The following AHCTF1 variants were observed in gnomAD, a reference collection of about 807,000 sequenced individuals.
The protein encoded by AHCTF1 is AT-hook containing transcription factor 1.
A neutral mutation model predicts 248.4 loss-of-function variants in AHCTF1; 24 were observed. That is an observed-to-expected ratio of 0.10 (90% CI 0.07 to 0.14). The LOEUF (loss-of-function observed/expected upper bound fraction) is 0.14. Among genes scored for constraint, AHCTF1 ranks in the 10% least tolerant of loss-of-function variants. The pLI is 1.00. For synonymous variants in AHCTF1, 786 were observed against 929.8 expected, an observed-to-expected ratio of 0.85 and a Z score of 2.81; for missense variants, 2,206 against 2,636.2, an observed-to-expected ratio of 0.84 and a Z score of 3.57.
chr1:246,891,087 T>G (rs768272774), intron 15 of AHCTF1, 27 bp from the exon 16 acceptor site: 1 of 1,450,020 alleles, frequency 6.9e-7, no homozygotes, highest in Admixed American at 2.6e-5. Context: ...ACATCAGTTG[T>G]TTACTTACAA....
chr1:246,853,503 AATG>A (rs1201865513), intron 31 of AHCTF1, among the ~76,000 whole-genome samples: 1 of 152,382 alleles, frequency 6.6e-6, no homozygotes, highest in Non-Finnish European at 1.5e-5. Context: ...CACATTTAAA[AATG>A]ATAACTGATA....
rs1659779182 is a variant in AHCTF1 at position 246,840,481 on chromosome 1, A to C, written c.*325T>G. On this transcript the variant is annotated 3_prime_UTR_variant, in exon 36 of 36. Coordinates refer to ENST00000648844, the MANE Select transcript of AHCTF1 (RefSeq NM_001323342.2). ...AATTATAGAGAAAATGAGACCAATG[A>C]GCATATAAAACTATTTAAACAGATA... 1 of 157,396 alleles carries C rather than the reference A, an allele frequency of 6.4e-6. No individual in the cohort carries two copies. Among genetic ancestry groups the C allele is most frequent in the Non-Finnish European group, 1.4e-5 (1 of 71,412 alleles). 9.7% of individuals were successfully genotyped at this position (157,396 alleles called of 1,614,324 possible).
chr1:246,891,477 TTA>T (rs1318246258), intron 15 of AHCTF1, among the ~76,000 whole-genome samples: 4 of 151,024 alleles, frequency 2.6e-5, no homozygotes, highest in Admixed American at 2.6e-4. Flanking sequence ...CAGAAAAAAT[TTA>T]TGAGTTCTTT....
chr1:246,931,555 C>A (rs1667364034), intron 1 of AHCTF1, 23 bp downstream of exon 1: 1 of 214,476 alleles, frequency 4.7e-6, no homozygotes, highest in Non-Finnish European at 8.0e-6. Flanking sequence ...GCGGGCCCAA[C>A]CCCCTCCCTC....
intron 34 of AHCTF1, among the ~76,000 whole-genome samples, chr1:246,843,587 T>C (rs1409405546): frequency 3.3e-5 from 5 of 152,202 alleles, no homozygotes; most frequent in African/African-American, 7.2e-5. Flanking sequence ...ATACCACAGA[T>C]GTGTCTTAAA....
chr1:246,858,341 C>T (rs1218210846), intron 29 of AHCTF1, among the ~76,000 whole-genome samples: 2 of 152,128 alleles, frequency 1.3e-5, no homozygotes, highest in Non-Finnish European at 2.9e-5. Context: ...TGAACAGGCA[C>T]TAATGCAACT....
intron 4 of AHCTF1, among the ~76,000 whole-genome samples, chr1:246,911,507 G>T: frequency 7.7e-6 from 1 of 129,790 alleles, no homozygotes; most frequent in African/African-American, 2.9e-5. Flanking sequence ...TTTTGAGATG[G>T]AGTTTCACTC....
chr1:246,888,466 T>C lies in AHCTF1; in HGVS notation c.2196A>G (p.Leu732=), dbSNP rs1663983113. 1 of 1,613,658 alleles carries C rather than the reference T, an allele frequency of 6.2e-7. No individual in the cohort carries two copies. The highest frequency in any genetic ancestry group is 8.5e-7 in the Non-Finnish European group (1 of 1,179,978). ...CLMIDGLVSQ[L]GERIEKLWKR... ...TCCACAACTTCTCAATTCGCTCTCC[T>C]AACTGAGAAACCAGTCCATCAATCA... The change falls in exon 18 of 36, where the codon TTA becomes TTG. Residue 732 remains leucine (L), a synonymous_variant. Coordinates refer to ENST00000648844, the MANE Select transcript of AHCTF1 (RefSeq NM_001323342.2).
chr1:246,900,271 T>G, intron 9 of AHCTF1, 25 bp from the exon 10 acceptor site: 2 of 1,586,186 alleles, frequency 1.3e-6, no homozygotes, highest in South Asian at 1.2e-5. Context: ...AAAACATTAC[T>G]AAGTCATTGG....
intron 4 of AHCTF1, among the ~76,000 whole-genome samples, chr1:246,908,323 CAAAAAA>C (rs34997839): frequency 9.8e-6 from 1 of 101,574 alleles, no homozygotes; most frequent in African/African-American, 3.6e-5. Flanking sequence ...CACAGGGATA[CAAAAAA>C]AAAAAAAAAA....
intron 1 of AHCTF1, among the ~76,000 whole-genome samples, chr1:246,924,814 A>G (rs1458907863): frequency 6.6e-6 from 1 of 152,248 alleles, no homozygotes; most frequent in East Asian, 1.9e-4. Context: ...CATCAAAAGT[A>G]GAAGTTTGCT....
chr1:246,900,986 G>A (rs1664954946), intron 8 of AHCTF1, among the ~76,000 whole-genome samples: 1 of 152,082 alleles, frequency 6.6e-6, no homozygotes. Context: ...GACATCAACA[G>A]GAGAAGAAGA....
chr1:246,852,788 T>C (rs1660808833), intron 32 of AHCTF1, among the ~76,000 whole-genome samples: 3 of 152,172 alleles, frequency 2.0e-5, no homozygotes, highest in African/African-American at 7.2e-5. Context: ...GACAGGATTT[T>C]GTTATGTTGC....
At chr1:246,923,992 G>A (rs988322724) in intron 1 of AHCTF1, among the ~76,000 whole-genome samples, 6 of 151,828 alleles carry the variant, frequency 4.0e-5, no homozygotes, top group Admixed American at 1.3e-4. Context: ...GCCCAAAGGC[G>A]TAGAATATAA....
intron 16 of AHCTF1, 133 bp from the exon 17 acceptor site, chr1:246,890,192 ATAAAAGATTACTACACATCTTTT>A: frequency 1.8e-6 from 1 of 542,368 alleles, no homozygotes; most frequent in Non-Finnish European, 3.2e-6. Context: ...TATTTAGGTA[ATAAAAGATTACTACACATCTTTT>A]TATTTACAGA....
chr1:246,887,068 G>T, intron 20 of AHCTF1, 143 bp downstream of exon 20: 1 of 861,084 alleles, frequency 1.2e-6, no homozygotes. Flanking sequence ...ATAGTGCTTG[G>T]TAAAGGTACT....
At chr1:246,845,194 T>C (rs1660158928) in intron 33 of AHCTF1, among the ~76,000 whole-genome samples, 2 of 152,248 alleles carry the variant, frequency 1.3e-5, no homozygotes, top group Admixed American at 6.5e-5. Flanking sequence ...AGCATGATTC[T>C]TTAAAAAAAT....
At chr1:246,878,458 A>C (rs1189678082) in intron 21 of AHCTF1, among the ~76,000 whole-genome samples, 2 of 150,080 alleles carry the variant, frequency 1.3e-5, no homozygotes, top group African/African-American at 4.9e-5. Flanking sequence ...ATGTAGCCCT[A>C]TATAAGGAAA....
chr1:246,881,837 C>CAA (rs541141857), intron 21 of AHCTF1, among the ~76,000 whole-genome samples: 3 of 76,688 alleles, frequency 3.9e-5, no homozygotes, highest in Admixed American at 1.4e-4. Context: ...GGCTCCGTCT[C>CAA]AAAAAAAAAA....
Sources: allele counts gnomAD v4.1 joint callset (sites outside exome capture counted in the v4.1 genomes callset), GRCh38; gene constraint gnomAD v4.1.1; transcripts MANE v1.5; gene names NCBI Gene and HGNC (gene_info 2026-07-23, HGNC 2026-07-21).